PI4KA: variants seen among roughly 807,000 people sequenced by gnomAD.
PI4KA encodes phosphatidylinositol 4-kinase alpha, also known as PI4-kinase alpha.
A neutral mutation model predicts 271.4 loss-of-function variants in PI4KA; 122 were observed. The observed-to-expected ratio is 0.45, with a 90% CI of 0.39 to 0.52. The LOEUF (loss-of-function observed/expected upper bound fraction) is 0.52. Among genes scored for constraint, PI4KA ranks in the 20% least tolerant of loss-of-function variants. PI4KA has a pLI of 0.00. For missense variants in PI4KA, 1,969 were observed against 2,769.1 expected (o/e 0.71, Z 6.48); for synonymous variants, 1,041 against 1,078.8 (o/e 0.96, Z 0.69).
intron 10 of PI4KA, among the ~76,000 whole-genome samples, 196 bp downstream of exon 10, chr22:20,807,166 C>A (rs114393984): frequency 6.6e-6 from 1 of 152,166 alleles, no homozygotes; most frequent in Non-Finnish European, 1.5e-5. Flanking sequence ...TCGATGGTAC[C>A]GGGGTTGCAG....
intron 50 of PI4KA, among the ~76,000 whole-genome samples, chr22:20,711,827 C>A (rs1436916313): frequency 6.6e-6 from 1 of 151,944 alleles, no homozygotes; most frequent in Non-Finnish European, 1.5e-5. Flanking sequence ...TCACTGCAAC[C>A]TCTGCCTCCT....
chr22:20,763,210 C>T (rs1490665536), intron 22 of PI4KA, among the ~76,000 whole-genome samples: 7 of 148,018 alleles, frequency 4.7e-5, no homozygotes, highest in Non-Finnish European at 9.0e-5. Flanking sequence ...CCTCCTGGGT[C>T]AAGCAATTCT....
At chr22:20,738,562 G>A (rs1228515573) in intron 32 of PI4KA, among the ~76,000 whole-genome samples, 1 of 152,114 alleles carries the variant, frequency 6.6e-6, no homozygotes, top group Non-Finnish European at 1.5e-5. Flanking sequence ...ATGGGACCTG[G>A]ACAGGTCAGG....
chr22:20,824,947 G>A (rs1398457531), intron 3 of PI4KA, among the ~76,000 whole-genome samples: 1 of 150,770 alleles, frequency 6.6e-6, no homozygotes, highest in Non-Finnish European at 1.5e-5. Flanking sequence ...GCGCACACCT[G>A]TAATCCCAGC....
intron 7 of PI4KA, among the ~76,000 whole-genome samples, chr22:20,818,190 G>A (rs1922099945): frequency 6.6e-6 from 1 of 152,086 alleles, no homozygotes; most frequent in African/African-American, 2.4e-5. Context: ...AAGTTAAAGT[G>A]CAAAAATTCT....
chr22:20,752,001 C>T (rs1293720106), intron 25 of PI4KA, among the ~76,000 whole-genome samples: 2 of 152,206 alleles, frequency 1.3e-5, no homozygotes, highest in East Asian at 1.9e-4. Flanking sequence ...ACAAACCTGA[C>T]ACCAACTGCC....
intron 29 of PI4KA, 49 bp from the exon 30 acceptor site, chr22:20,744,769 C>T (rs1170105834): frequency 2.1e-6 from 3 of 1,454,886 alleles, no homozygotes; most frequent in Non-Finnish European, 2.9e-6. Context: ...CTATCCTTTC[C>T]TCGTGTTTAC....
At position 20,764,846 on chromosome 22, in the gene PI4KA, G is replaced by C; in HGVS notation, c.2679C>G (p.Leu893=). Residue 893 remains leucine, a synonymous_variant, in exon 22 of 55, where the codon CTC becomes CTG. Coordinates refer to ENST00000255882, the MANE Select transcript of PI4KA (RefSeq NM_058004.4). ...NKLDFAMSTY[L]LSVYRLEYMR... ...TGTACTCCAGCCGGTACACAGAGAG[G>C]AGGTAGGTGGACATGGCGAAGTCCA... is the stretch of plus-strand genomic sequence containing the variant. The C allele has an allele frequency of 6.2e-7, 1 of 1,613,578 alleles. No homozygotes were observed. The highest frequency in any genetic ancestry group is 8.5e-7 in the Non-Finnish European group (1 of 1,179,748).
chr22:20,849,593 C>T (rs1002798861), intron 1 of PI4KA, among the ~76,000 whole-genome samples: 12 of 152,158 alleles, frequency 7.9e-5, no homozygotes, highest in South Asian at 2.1e-4. Context: ...TGGCTCACAC[C>T]TGTAATCCCA....
In PI4KA at chr22:20,727,361, G is replaced by C. The variant is rs1306604592; in HGVS notation, c.4810C>G (p.Pro1604Ala). 6.2e-6 allele frequency: 10 copies of C among 1,608,702 alleles called. No homozygotes were observed. Among genetic ancestry groups the C allele is most frequent in the Non-Finnish European group, 7.6e-6 (9 of 1,178,220 alleles). The change falls in exon 41 of 55, where the codon CCA (proline) becomes GCA (alanine). Residue 1604 changes from proline (P) to alanine (A), a missense_variant. By Grantham distance (27) the Pro-to-Ala change is conservative. Transcript: ENST00000255882. ...VTWHTIDADA[P>A]ELSHVLCWAP... ...CAGCACAGCACATGGCTGAGCTCTG[G>C]AGCATCGGCGTCGATGGTGTGCCAG...
At chr22:20,784,339 A>G in intron 19 of PI4KA, 2 of 1,542,284 alleles carry the variant, frequency 1.3e-6, no homozygotes, top group Middle Eastern at 4.3e-4. Flanking sequence ...AAAAGGGAGA[A>G]TTATGTACAA....
chr22:20,732,987 G>A lies in PI4KA; in HGVS notation c.4272C>T (p.Ser1424=). The A allele has an allele frequency of 6.2e-7, 1 of 1,611,008 alleles. No individual in the cohort carries two copies. Among genetic ancestry groups the A allele is most frequent in the Non-Finnish European group, 8.5e-7 (1 of 1,178,962 alleles). ...GAGGGTTACCTGGGGGAACAAGCTG[G>A]CTGGCGGTCAGGTACTTCTTATCTG... ...MFSDKKYLTA[S]QLVPPDNQDT... Residue 1424 remains serine, a synonymous_variant, in exon 36 of 55, where the codon AGC becomes AGT. Coordinates refer to ENST00000255882, the MANE Select transcript of PI4KA (RefSeq NM_058004.4).
chr22:20,819,074 T>G (rs1349742792), intron 6 of PI4KA, among the ~76,000 whole-genome samples: 2 of 152,216 alleles, frequency 1.3e-5, no homozygotes, highest in Non-Finnish European at 2.9e-5. Context: ...GAGTTTTGGT[T>G]TTTACACTAT....
At chr22:20,726,179 A>C in intron 42 of PI4KA, 1 of 303,240 alleles carries the variant, frequency 3.3e-6, no homozygotes, top group African/African-American at 2.2e-5. Flanking sequence ...AGAGGGCAGG[A>C]TTCAGGGATT....
intron 32 of PI4KA, among the ~76,000 whole-genome samples, chr22:20,740,046 A>T (rs985828417): frequency 3.1e-5 from 4 of 130,948 alleles, no homozygotes; most frequent in South Asian, 2.6e-4. Flanking sequence ...TGGGCAACAG[A>T]GTGAGACCCC....
intron 1 of PI4KA, among the ~76,000 whole-genome samples, chr22:20,848,156 T>C (rs1247478557): frequency 2.0e-5 from 3 of 148,884 alleles, no homozygotes; most frequent in Non-Finnish European, 4.4e-5. Context: ...GAGAATTGCT[T>C]GAACCCAGGA....
chr22:20,801,398 A>T (rs539490132), intron 14 of PI4KA, among the ~76,000 whole-genome samples: 1 of 150,724 alleles, frequency 6.6e-6, no homozygotes, highest in East Asian at 2.0e-4. Context: ...AGTCTGGCCA[A>T]CATAGTGAAA....
In PI4KA at chr22:20,803,302, C is replaced by T. The variant is rs1401689632; in HGVS notation, c.1480G>A (p.Glu494Lys). 4 of 1,614,078 alleles carry T rather than the reference C, an allele frequency of 2.5e-6. No homozygotes were observed. The highest frequency in any genetic ancestry group is 1.6e-4 in the Middle Eastern group (1 of 6,062). ...GAGTGCACCACCACCGGGAACCTCT[C>T]GCACAGGCGGCCCAAACCCTGCAAC... ...CCLQGLGRLC[E>K]RFPVVVHSVT... The change falls in exon 13 of 55, where the codon GAG becomes AAG. Residue 494 changes from glutamate (E) to lysine (K), a missense_variant. Glu to Lys is a moderately conservative substitution (Grantham distance 56). Coordinates refer to ENST00000255882, the MANE Select transcript of PI4KA (RefSeq NM_058004.4).
chr22:20,761,348 A>G lies in PI4KA; in HGVS notation c.2747T>C (p.Met916Thr), dbSNP rs1426383497. The change falls in exon 23 of 55, where the codon ATG (methionine) becomes ACG (threonine). Residue 916 changes from methionine to threonine, a missense_variant. Coordinates refer to ENST00000255882, the MANE Select transcript of PI4KA (RefSeq NM_058004.4). Reference protein sequence around the residue: ...RSTDPDRFQVMFCYFEDKAIQ... With the variant: ...RSTDPDRFQVTFCYFEDKAIQ... ...AGCTTTATCCTCAAAGTAGCAGAAC[A>G]TTACCTGGAAGCGATCAGGATCTGT... The G allele has an allele frequency of 1.2e-6, 2 of 1,612,252 alleles. No individual in the cohort carries two copies. Among genetic ancestry groups the G allele is most frequent in the Non-Finnish European group, 1.7e-6 (2 of 1,178,422 alleles).
Sources: gnomAD v4.1 joint callset for allele counts (sites outside exome capture counted in the v4.1 genomes callset) on GRCh38, gnomAD v4.1.1 for gene constraint, MANE v1.5 for transcripts, NCBI Gene and HGNC (gene_info 2026-07-23, HGNC 2026-07-21) for gene names.